The following RBPJ variants were observed in gnomAD, a reference collection of about 807,000 sequenced individuals.
RBPJ encodes the protein recombining binding protein suppressor of hairless.
In RBPJ, 9 loss-of-function variants were observed where a neutral mutation model predicts 67.8. The observed-to-expected ratio is 0.13, with a 90% CI of 0.08 to 0.23. RBPJ has a LOEUF of 0.23. Among genes scored for constraint, RBPJ ranks in the 10% least tolerant of loss-of-function variants. RBPJ has a pLI of 1.00. For missense variants in RBPJ, 305 were observed against 595.6 expected (o/e 0.51, Z 5.08); for synonymous variants, 198 against 203.3 (o/e 0.97, Z 0.22).
chr4:26,420,783 C>A, intron 5 of RBPJ, 58 bp downstream of exon 5: 1 of 1,396,012 alleles, frequency 7.2e-7, no homozygotes, highest in Non-Finnish European at 9.6e-7. Flanking sequence ...AAGACAGACT[C>A]TTTTTTAAAT....
chr4:26,161,748 T>G (rs1716083870), upstream of RBPJ, among the ~76,000 whole-genome samples: 3 of 152,198 alleles, frequency 2.0e-5, no homozygotes, highest in South Asian at 4.1e-4. Context: ...GAGGCCCCAG[T>G]GGTACTAGAC....
At chr4:26,113,564 C>CAT in the RBPJ span, 5 of 468,398 alleles carry the variant, frequency 1.1e-5, no homozygotes, top group Non-Finnish European at 2.1e-5. Context: ...TCACGCAGGG[C>CAT]AGAAGCCCTA....
chr4:26,203,385 C>T lies in RBPJ; in HGVS notation c.-167+39771C>T, dbSNP rs78406649. Among the ~76,000 whole-genome samples the T allele has an allele frequency of 3.0e-4, 45 of 152,324 alleles. No individual in the cohort carries two copies. The East Asian group carries it at 8.7e-3, about 29-fold the overall frequency. ...CTTTATTCAAATGCAACCTTCTCCC[C>T]AGGCCCTTCCCTGACCACCCCACAT... is the stretch of plus-strand genomic sequence containing the variant. On this transcript the variant is annotated intron_variant, in intron 1 of 4. Transcript: ENST00000512351.
chr4:26,318,530 G>C (rs1185531491), upstream of RBPJ, among the ~76,000 whole-genome samples: 1 of 152,182 alleles, frequency 6.6e-6, no homozygotes, highest in African/African-American at 2.4e-5. Context: ...AAACTGATTT[G>C]TAAGATTACT....
intron 1 of RBPJ, among the ~76,000 whole-genome samples, chr4:26,360,688 G>C (rs1727956578): frequency 6.7e-6 from 1 of 150,202 alleles, no homozygotes; most frequent in Non-Finnish European, 1.5e-5. Context: ...CTGCTTCCCA[G>C]GTCCTGCCTC....
At chr4:26,356,156 G>GT (rs1239301739) in intron 1 of RBPJ, among the ~76,000 whole-genome samples, 3 of 152,184 alleles carry the variant, frequency 2.0e-5, no homozygotes, top group African/African-American at 7.2e-5. Context: ...GTAAGCCTGA[G>GT]TAGAGTCCCA....
chr4:26,115,157 GC>G, the RBPJ span, among the ~76,000 whole-genome samples: 1 of 152,280 alleles, frequency 6.6e-6, no homozygotes, highest in Non-Finnish European at 1.5e-5. Flanking sequence ...CACAGAACCT[GC>G]TGTCAAATAT....
At position 26,297,504 on chromosome 4, in the gene RBPJ, G is replaced by A. The variant is rs138064525; in HGVS notation, c.-166-64942G>A. ...GGAAGATGCTGGCCTTCGCTTCCAC[G>A]TGTTATTGTGTTTCTGTGTTCATTA... On this transcript the variant is annotated intron_variant, in intron 1 of 4. Transcript: ENST00000512351. Among the ~76,000 whole-genome samples the A allele has an allele frequency of 1.4e-4, 22 of 152,100 alleles. No homozygotes were observed. The East Asian group carries it at 4.1e-3, about 28-fold the overall frequency.
At chr4:26,269,243 T>A (rs900894522) in intron 1 of RBPJ, among the ~76,000 whole-genome samples, 1 of 139,270 alleles carries the variant, frequency 7.2e-6, no homozygotes, top group Non-Finnish European at 1.6e-5. Flanking sequence ...TTTTTTATTA[T>A]TTATTTATTT....
At chr4:26,121,030 A>AAGGAGAGGGAGGG in the RBPJ span, among the ~76,000 whole-genome samples, 1 of 151,666 alleles carries the variant, frequency 6.6e-6, no homozygotes, top group Admixed American at 6.6e-5. Flanking sequence ...TAGGGGGAGA[A>AAGGAGAGGGAGGG]GCAGAGGGAG....
chr4:26,201,603 C>T (rs1284948228), intron 1 of RBPJ, among the ~76,000 whole-genome samples: 1 of 152,224 alleles, frequency 6.6e-6, no homozygotes, highest in Non-Finnish European at 1.5e-5. Context: ...CCTCAACACA[C>T]ATGACCTGCA....
intron 1 of RBPJ, among the ~76,000 whole-genome samples, chr4:26,197,463 G>A (rs1412508020): frequency 6.6e-6 from 1 of 152,188 alleles, no homozygotes; most frequent in Non-Finnish European, 1.5e-5. Flanking sequence ...GGGCCAAGGA[G>A]CCAGCTCAAG....
intron 1 of RBPJ, among the ~76,000 whole-genome samples, chr4:26,238,492 T>C (rs781052567): frequency 1.3e-5 from 2 of 152,238 alleles, no homozygotes; most frequent in Non-Finnish European, 2.9e-5. Flanking sequence ...GTAGTAAACA[T>C]GCTTGGCACA....
chr4:26,281,075 T>C lies in RBPJ; in HGVS notation c.-166-81371T>C, dbSNP rs188327563. 1.5e-3 allele frequency among the ~76,000 whole-genome samples: 234 copies of C among 152,310 alleles called. 3 individuals carry two copies. Among genetic ancestry groups the C allele is most frequent in the African/African-American group, 5.2e-3 (215 of 41,568 alleles). On this transcript the variant is annotated intron_variant, in intron 1 of 4. Coordinates refer to the RBPJ transcript ENST00000512351. ...ACAAAAACAGCCTGTTTGAATGACA[T>C]TATAAGGAGTTGTCTTAATTTTACC... is the stretch of plus-strand genomic sequence containing the variant.
intron 1 of RBPJ, among the ~76,000 whole-genome samples, chr4:26,262,962 C>G (rs1025342383): frequency 6.6e-6 from 1 of 152,182 alleles, no homozygotes; most frequent in African/African-American, 2.4e-5. Flanking sequence ...TCTGGCTCCA[C>G]AGAGTCTACC....
chr4:26,361,841 G>A (rs1728093378), intron 1 of RBPJ, among the ~76,000 whole-genome samples: 1 of 152,120 alleles, frequency 6.6e-6, no homozygotes, highest in Admixed American at 6.5e-5. Flanking sequence ...TAAGAAAGCT[G>A]GGGTGGGGTT....
intron 1 of RBPJ, among the ~76,000 whole-genome samples, chr4:26,195,764 T>A (rs1717737418): frequency 6.6e-6 from 1 of 152,078 alleles, no homozygotes; most frequent in Admixed American, 6.6e-5. Flanking sequence ...CCAGCTAATT[T>A]TTTATATTTT....
At chr4:26,115,908 T>A in the RBPJ span, among the ~76,000 whole-genome samples, 1 of 151,852 alleles carries the variant, frequency 6.6e-6, no homozygotes, top group Non-Finnish European at 1.5e-5. Context: ...AATACAGTAG[T>A]ACTCACTGCA....
intron 1 of RBPJ, among the ~76,000 whole-genome samples, chr4:26,165,576 A>G (rs10015026): frequency 0.55 from 83,464 of 151,904 alleles, 23,103 homozygotes; most frequent in South Asian, 0.68. Flanking sequence ...GGGGAGGGAA[A>G]CTAGAATCCT....
Sources: allele counts gnomAD v4.1 joint callset (sites outside exome capture counted in the v4.1 genomes callset), GRCh38; gene constraint gnomAD v4.1.1; transcripts MANE v1.5; gene names NCBI Gene and HGNC (gene_info 2026-07-23, HGNC 2026-07-21).